MAP4K3: variants seen among roughly 807,000 people sequenced by gnomAD.
MAP4K3 encodes MAPK/ERK kinase kinase kinase 3.
In MAP4K3, 94 loss-of-function variants were observed where a neutral mutation model predicts 143.5. The ratio of observed to expected loss-of-function variants is 0.65; its 90% CI spans 0.55 to 0.78. The LOEUF (loss-of-function observed/expected upper bound fraction) is 0.78. Ranked by LOEUF, MAP4K3 falls within the 30% of genes least tolerant of loss-of-function variation. MAP4K3 has a pLI of 0.00. For synonymous variants in MAP4K3, 416 were observed against 347.2 expected, an observed-to-expected ratio of 1.20 and a Z score of -2.20; for missense variants, 1,077 against 1,068.1, an observed-to-expected ratio of 1.01 and a Z score of -0.12.
chr2:39,377,201 C>CTTTTTTT (rs56149359), intron 2 of MAP4K3, among the ~76,000 whole-genome samples: 5 of 110,600 alleles, frequency 4.5e-5, no homozygotes, highest in East Asian at 2.8e-4. Context: ...GCTATTTGGC[C>CTTTTTTT]TTTTTTTTTT....
intron 1 of MAP4K3, among the ~76,000 whole-genome samples, chr2:39,422,406 C>G (rs1667572521): frequency 6.6e-6 from 1 of 152,118 alleles, no homozygotes; most frequent in Non-Finnish European, 1.5e-5. Flanking sequence ...AGAGGAAAGA[C>G]CATGTATAGA....
At chr2:39,309,746 G>C (rs1682879298) in intron 13 of MAP4K3, among the ~76,000 whole-genome samples, 1 of 151,446 alleles carries the variant, frequency 6.6e-6, no homozygotes, top group Non-Finnish European at 1.5e-5. Flanking sequence ...TTTTAGTAGA[G>C]ACGGGGTTTC....
At chr2:39,370,587 T>C (rs1353219467) in intron 2 of MAP4K3, among the ~76,000 whole-genome samples, 1 of 152,220 alleles carries the variant, frequency 6.6e-6, no homozygotes. Context: ...TAAGGTCTTA[T>C]TGGTACTTTT....
chr2:39,406,270 T>C (rs971080756), intron 1 of MAP4K3, among the ~76,000 whole-genome samples: 11 of 152,094 alleles, frequency 7.2e-5, no homozygotes, highest in African/African-American at 9.7e-5. Context: ...CCAAGACTTA[T>C]TGGCCTTAAA....
intron 1 of MAP4K3, among the ~76,000 whole-genome samples, chr2:39,393,109 CTG>C (rs1247196465): frequency 1.3e-5 from 2 of 152,190 alleles, no homozygotes; most frequent in Non-Finnish European, 2.9e-5. Flanking sequence ...TTCTTACTGA[CTG>C]TGTGTACAGC....
At chr2:39,433,147 C>A (rs1236563943) in intron 1 of MAP4K3, among the ~76,000 whole-genome samples, 1 of 152,080 alleles carries the variant, frequency 6.6e-6, no homozygotes, top group Admixed American at 6.6e-5. Flanking sequence ...TGCCTGTGTA[C>A]AGAATTTAGC....
At position 39,251,826 on chromosome 2, in the gene MAP4K3, A is replaced by C. The variant is rs777203921; in HGVS notation, c.2597+4T>G. The C allele has an allele frequency of 9.3e-6, 15 of 1,613,138 alleles. No individual in the cohort carries two copies. Among genetic ancestry groups the C allele is most frequent in the Non-Finnish European group, 1.2e-5 (14 of 1,179,248 alleles). On this transcript the variant is annotated splice_donor_region_variant and intron_variant, in intron 33 of 33. Coordinates refer to ENST00000263881, the MANE Select transcript of MAP4K3 (RefSeq NM_003618.4). ...TGTGTATTTAATACAGTCCGTTTTC[A>C]TACCTGTCAGATCCAAGCAGCCTGA...
chr2:39,419,203 CATGT>C (rs1667478773), intron 1 of MAP4K3, among the ~76,000 whole-genome samples: 1 of 151,872 alleles, frequency 6.6e-6, no homozygotes, highest in African/African-American at 2.4e-5. Context: ...CTAATTTTAT[CATGT>C]ATTAATAAGT....
At chr2:39,369,193 G>GTTTTTTTGTTTTTTT (rs747293878) in intron 2 of MAP4K3, among the ~76,000 whole-genome samples, 1 of 37,976 alleles carries the variant, frequency 2.6e-5, no homozygotes, top group African/African-American at 5.8e-5. Context: ...CTTTGGGCTA[G>GTTTTTTTGTTTTTTT]TTTTTTTTTT....
intron 3 of MAP4K3, among the ~76,000 whole-genome samples, chr2:39,349,954 T>C (rs1392060152): frequency 6.6e-6 from 1 of 152,196 alleles, no homozygotes; most frequent in African/African-American, 2.4e-5. Flanking sequence ...CAAAGTTTTT[T>C]TGCTTAGAGT....
chr2:39,307,562 T>A (rs1302003972), intron 15 of MAP4K3, among the ~76,000 whole-genome samples: 1 of 150,822 alleles, frequency 6.6e-6, no homozygotes, highest in Non-Finnish European at 1.5e-5. Flanking sequence ...ATGTACCATA[T>A]AACATATGAA....
At chr2:39,326,096 A>G in intron 9 of MAP4K3, 50 bp downstream of exon 9, 2 of 1,587,802 alleles carry the variant, frequency 1.3e-6, no homozygotes, top group African/African-American at 2.7e-5. Context: ...ACAGCATACT[A>G]AGAGGATAAA....
At chr2:39,257,796 C>CAAAA (rs1285158564) in intron 31 of MAP4K3, among the ~76,000 whole-genome samples, 1 of 59,668 alleles carries the variant, frequency 1.7e-5, no homozygotes, top group Admixed American at 1.9e-4. Flanking sequence ...CACTCCATCT[C>CAAAA]AAAAAAAAAA....
chr2:39,310,901 C>T (rs1009060365), intron 13 of MAP4K3, among the ~76,000 whole-genome samples: 1 of 151,986 alleles, frequency 6.6e-6, no homozygotes, highest in African/African-American at 2.4e-5. Context: ...TATCTGATGG[C>T]CATTTGTATG....
At position 39,333,453 on chromosome 2, in the gene MAP4K3, T is replaced by A. The variant is rs17023705; in HGVS notation, c.457+79A>T. Reference sequence around the variant, plus strand: ...ATGCCGTCTTAGGAGAGGGAAAACCTGGTCCTACAAAGGAAAACATAAACT... The same window carrying A: ...ATGCCGTCTTAGGAGAGGGAAAACCAGGTCCTACAAAGGAAAACATAAACT... On this transcript the variant is annotated intron_variant, in intron 7 of 33. Transcript: ENST00000263881. 2.3e-3 allele frequency: 2,597 copies of A among 1,105,646 alleles called. 77 individuals are homozygous for A. In the East Asian group the frequency reaches 0.054, roughly 23 times the overall value. 68.5% of individuals were successfully genotyped at this position (1,105,646 alleles called of 1,614,324 possible). A position where few individuals can be genotyped will look rare whatever the true frequency, so the allele number is the denominator to read the frequency against.
intron 13 of MAP4K3, among the ~76,000 whole-genome samples, chr2:39,314,866 G>C (rs1683062229): frequency 6.6e-6 from 1 of 152,154 alleles, no homozygotes; most frequent in African/African-American, 2.4e-5. Context: ...AAAGTTTCCA[G>C]GTTACTCAGA....
At chr2:39,294,984 T>C (rs894888965) in intron 16 of MAP4K3, among the ~76,000 whole-genome samples, 1 of 151,568 alleles carries the variant, frequency 6.6e-6, no homozygotes, top group African/African-American at 2.4e-5. Flanking sequence ...TTGAATGCAG[T>C]AGCAGACATG....
At chr2:39,427,327 G>A (rs1665120088) in intron 1 of MAP4K3, among the ~76,000 whole-genome samples, 1 of 151,552 alleles carries the variant, frequency 6.6e-6, no homozygotes, top group African/African-American at 2.4e-5. Flanking sequence ...AAAGTTAAAA[G>A]AAAGAAAAAA....
chr2:39,281,040 T>C (rs1243403450), intron 22 of MAP4K3, among the ~76,000 whole-genome samples: 1 of 152,156 alleles, frequency 6.6e-6, no homozygotes, highest in Non-Finnish European at 1.5e-5. Context: ...AGCAAAATAT[T>C]AACTCTGAAA....
Sources: gnomAD v4.1 joint callset for allele counts (sites outside exome capture counted in the v4.1 genomes callset) on GRCh38, gnomAD v4.1.1 for gene constraint, MANE v1.5 for transcripts, NCBI Gene and HGNC (gene_info 2026-07-23, HGNC 2026-07-21) for gene names.